TAFA5: variants seen among roughly 807,000 people sequenced by gnomAD.
The protein encoded by TAFA5 is TAFA chemokine like family member 5, also known as chemokine-like protein TAFA-5.
Under a neutral mutation model 15.3 loss-of-function variants are expected in TAFA5, and 6 were observed. The ratio of observed to expected loss-of-function variants is 0.39; its 90% CI spans 0.21 to 0.77. The LOEUF is 0.77. Among genes scored for constraint, TAFA5 ranks in the 30% least tolerant of loss-of-function variants. The pLI is 0.41. For missense variants in TAFA5, 161 were observed against 193.1 expected (o/e 0.83, Z 0.98); for synonymous variants, 103 against 80.7 (o/e 1.28, Z -1.48).
chr22:48,561,009 T>A (rs1258526324), intron 1 of TAFA5, among the ~76,000 whole-genome samples: 2 of 152,154 alleles, frequency 1.3e-5, no homozygotes, highest in African/African-American at 2.4e-5. Context: ...GTTCCCTGTG[T>A]GGGTGACACT....
intron 1 of TAFA5, among the ~76,000 whole-genome samples, chr22:48,600,149 G>T (rs371526840): frequency 6.6e-6 from 1 of 151,844 alleles, no homozygotes; most frequent in Admixed American, 6.6e-5. Context: ...TTTACCATTC[G>T]CTGTCACAGC....
At chr22:48,608,320 G>T (rs939859174) in intron 1 of TAFA5, among the ~76,000 whole-genome samples, 2 of 152,214 alleles carry the variant, frequency 1.3e-5, no homozygotes, top group African/African-American at 4.8e-5. Context: ...CCATATTCAC[G>T]ATACCTCCTT....
At chr22:48,660,291 G>A (rs759238894) in intron 2 of TAFA5, among the ~76,000 whole-genome samples, 5 of 152,220 alleles carry the variant, frequency 3.3e-5, no homozygotes, top group African/African-American at 9.6e-5. Flanking sequence ...CAGAAGTGGC[G>A]CTTGAGCACA....
intron 1 of TAFA5, among the ~76,000 whole-genome samples, chr22:48,619,918 C>T (rs1925743592): frequency 6.6e-6 from 1 of 152,242 alleles, no homozygotes; most frequent in South Asian, 2.1e-4. Context: ...AGTTGTGCAT[C>T]CAGTGCTGAG....
intron 1 of TAFA5, among the ~76,000 whole-genome samples, chr22:48,567,554 G>T (rs996654975): frequency 2.0e-5 from 3 of 152,214 alleles, no homozygotes; most frequent in African/African-American, 7.2e-5. Context: ...GGATTGGTGG[G>T]CATGGCTGGC....
At chr22:48,665,343 A>C (rs1327055768) in intron 2 of TAFA5, among the ~76,000 whole-genome samples, 1 of 152,014 alleles carries the variant, frequency 6.6e-6, no homozygotes, top group African/African-American at 2.4e-5. Flanking sequence ...TGGCCTTCTT[A>C]TTTGCTTAAT....
chr22:48,707,371 T>C (rs1929112471), intron 2 of TAFA5, among the ~76,000 whole-genome samples: 2 of 152,182 alleles, frequency 1.3e-5, no homozygotes, highest in African/African-American at 4.8e-5. Flanking sequence ...CCTGCCTTCT[T>C]CTGGCTCTCA....
At chr22:48,648,106 C>T (rs1427104421) in intron 2 of TAFA5, among the ~76,000 whole-genome samples, 1 of 152,168 alleles carries the variant, frequency 6.6e-6, no homozygotes, top group African/African-American at 2.4e-5. Context: ...CAGCTATATC[C>T]GTGGCATCCT....
At chr22:48,697,901 G>A (rs1449666532) in intron 2 of TAFA5, among the ~76,000 whole-genome samples, 2 of 136,448 alleles carry the variant, frequency 1.5e-5, no homozygotes, top group Admixed American at 7.3e-5. Flanking sequence ...GATGATGGTG[G>A]TGATGACAAT....
chr22:48,671,831 A>T (rs184255901), intron 2 of TAFA5, among the ~76,000 whole-genome samples: 16 of 152,300 alleles, frequency 1.1e-4, no homozygotes, highest in Non-Finnish European at 1.8e-4. Context: ...ATGTGTGACC[A>T]GGCCCAGGAT....
intron 1 of TAFA5, among the ~76,000 whole-genome samples, chr22:48,578,338 G>A (rs776425657): frequency 6.6e-6 from 1 of 152,198 alleles, no homozygotes; most frequent in East Asian, 1.9e-4. Flanking sequence ...GCCCTGCGGC[G>A]CTGCCCCAGT....
intron 2 of TAFA5, among the ~76,000 whole-genome samples, chr22:48,678,556 T>C (rs571271678): frequency 5.0e-5 from 7 of 141,370 alleles, no homozygotes; most frequent in African/African-American, 1.5e-4. Flanking sequence ...CAGGAAGAGG[T>C]CGGGGAGCCG....
chr22:48,664,757 G>T (rs369352060), intron 2 of TAFA5, among the ~76,000 whole-genome samples: 14 of 152,132 alleles, frequency 9.2e-5, no homozygotes, highest in African/African-American at 2.4e-4. Context: ...AGAGCCGCCC[G>T]TGCTGTCATG....
At chr22:48,661,565 A>G (rs1001991315) in intron 2 of TAFA5, among the ~76,000 whole-genome samples, 1 of 152,036 alleles carries the variant, frequency 6.6e-6, no homozygotes, top group East Asian at 1.9e-4. Flanking sequence ...CCTGCTGGAC[A>G]CTGATCAGTG....
intron 2 of TAFA5, among the ~76,000 whole-genome samples, chr22:48,692,383 G>C (rs1928570370): frequency 6.6e-6 from 1 of 152,172 alleles, no homozygotes; most frequent in South Asian, 2.1e-4. Flanking sequence ...CATATTTTGG[G>C]ACCATTAGAG....
At chr22:48,700,301 A>G (rs981353813) in intron 2 of TAFA5, among the ~76,000 whole-genome samples, 15 of 152,136 alleles carry the variant, frequency 9.9e-5, no homozygotes, top group African/African-American at 2.9e-4. Flanking sequence ...GTGCAAGGAA[A>G]GGAGCTGGAA....
chr22:48,663,277 C>A (rs1218048714), intron 2 of TAFA5, among the ~76,000 whole-genome samples: 1 of 152,174 alleles, frequency 6.6e-6, no homozygotes, highest in Non-Finnish European at 1.5e-5. Flanking sequence ...AAGGTCAAGC[C>A]AGACCCTGCA....
At chr22:48,692,854 C>T (rs130114) in intron 2 of TAFA5, among the ~76,000 whole-genome samples, 264 of 152,328 alleles carry the variant, frequency 1.7e-3, no homozygotes, top group Non-Finnish European at 3.0e-3. Flanking sequence ...CCCGTTGGGC[C>T]CAGGCCAGGA....
intron 2 of TAFA5, among the ~76,000 whole-genome samples, chr22:48,658,537 G>A (rs972948361): frequency 1.3e-5 from 2 of 152,228 alleles, no homozygotes; most frequent in Non-Finnish European, 2.9e-5. Flanking sequence ...CAGGTTCAGG[G>A]CTGGCCTGTC....
Sources: allele counts gnomAD v4.1 joint callset (sites outside exome capture counted in the v4.1 genomes callset), GRCh38; gene constraint gnomAD v4.1.1; transcripts MANE v1.5; gene names NCBI Gene and HGNC (gene_info 2026-07-23, HGNC 2026-07-21).